The following ADCY6 variants were observed in gnomAD, a reference collection of about 807,000 sequenced individuals.
ADCY6 encodes adenylate cyclase type 6.
In ADCY6, 59 loss-of-function variants were observed where a neutral mutation model predicts 111.6. That is an observed-to-expected ratio of 0.53 (90% CI 0.43 to 0.66). ADCY6 has a LOEUF of 0.66. Ranked by LOEUF, ADCY6 falls within the 30% of genes least tolerant of loss-of-function variation. The pLI is 0.00. For synonymous variants in ADCY6, 576 were observed against 642.9 expected (o/e 0.90, Z 1.57); for missense variants, 1,242 against 1,595.6 (o/e 0.78, Z 3.78).
At position 48,782,667 on chromosome 12, in the gene ADCY6, G is replaced by A. The variant is rs1234566851; in HGVS notation, c.768C>T (p.Arg256=). Residue 256 remains arginine, a synonymous_variant, in exon 2 of 22, where the codon CGC becomes CGT. Transcript: ENST00000357869. This position sits in a 1 kb window ranked among gnomAD's most constrained non-coding sequence, Gnocchi z 4.3. ...GGCCGCTGAGGACGGCAGCCCGCAT[G>A]CGGATGGGGAGGAGCGTGTAGGCGA... ...VYIAYTLLPI[R]MRAAVLSGLG... 4.4e-6 allele frequency: 7 copies of A among 1,599,358 alleles called. No individual in the cohort carries two copies. The East Asian group carries it at 9.0e-5, about 21-fold the overall frequency.
Position 48,783,105 on chromosome 12 carries a change from C to A in ADCY6, c.330G>T (p.Ala110=), listed in dbSNP as rs767173305. Residue 110 remains alanine, a synonymous_variant, in exon 2 of 22, where the codon GCG becomes GCT. Coordinates refer to ENST00000357869, the MANE Select transcript of ADCY6 (RefSeq NM_015270.5). ...AGCAGGATCGCCCACTCCTGGGCAC[C>A]GCGTCGGGCGCCACCTCAGCCGTCC... The part of the protein sequence containing the change: ...AGGTAEVAPD[A]VPRSGRSCWR... 5 of 1,610,350 alleles carry A rather than the reference C, an allele frequency of 3.1e-6. No individual in the cohort carries two copies. The highest frequency in any genetic ancestry group is 4.2e-6 in the Non-Finnish European group (5 of 1,179,168).
At chr12:48,784,366 A>G (rs1446701589) in intron 1 of ADCY6, among the ~76,000 whole-genome samples, 1 of 151,966 alleles carries the variant, frequency 6.6e-6, no homozygotes, top group Non-Finnish European at 1.5e-5. Flanking sequence ...AAAAGAAGAA[A>G]GAGTTGCCCA....
At position 48,771,511 on chromosome 12, in the gene ADCY6, C is replaced by T. The variant is rs753911940; in HGVS notation, c.3051+199G>A. On this transcript the variant is annotated intron_variant, in intron 19 of 21. Transcript: ENST00000357869. This position sits in a 1 kb window ranked among gnomAD's most constrained non-coding sequence, Gnocchi z 4.3. ...TGCTCCCCAACAGTGATGACCCTGC[C>T]CCACTAGGGCTGACCCCCTTGCTGC... 1 of 796,822 alleles carries T rather than the reference C, an allele frequency of 1.3e-6. No homozygotes were observed. Among genetic ancestry groups the T allele is most frequent in the Non-Finnish European group, 2.1e-6 (1 of 476,990 alleles). The allele number at this position is 796,822 out of a possible 1,614,324, so 49.4% of individuals were successfully genotyped here.
In ADCY6 at chr12:48,774,727, G is replaced by A. The variant is rs771358249; in HGVS notation, c.2130C>T (p.Ile710=). The stretch of plus-strand genomic sequence containing the variant: ...AGTACACAGCACAGATCAGCACGGT[G>A]ATTAGCAGCAGCAGGAAGATGCTGG... ...IYASIFLLLL[I]TVLICAVYSC... Residue 710 remains isoleucine, a synonymous_variant, in exon 13 of 22, where the codon ATC becomes ATT. Transcript: ENST00000357869. 1.9e-6 allele frequency: 3 copies of A among 1,614,022 alleles called. No individual in the cohort carries two copies.
At chr12:48,773,752 C>A in intron 15 of ADCY6, 105 bp from the exon 16 acceptor site, 1 of 1,474,924 alleles carries the variant, frequency 6.8e-7, no homozygotes, top group Non-Finnish European at 9.3e-7. Context: ...CCCACCACAC[C>A]CCTCAAACCC....
At chr12:48,774,583 T>C in intron 13 of ADCY6, 65 bp from the exon 14 acceptor site, 1 of 1,575,410 alleles carries the variant, frequency 6.3e-7, no homozygotes, top group Non-Finnish European at 8.7e-7. Context: ...CAACCAGGGA[T>C]GGGGCCCAGT....
chr12:48,774,173 C>T, intron 14 of ADCY6, 75 bp from the exon 15 acceptor site: 1 of 1,418,820 alleles, frequency 7.0e-7, no homozygotes, highest in Non-Finnish European at 9.7e-7. Context: ...AGCCATGTAC[C>T]CTAACCTGGG....
upstream of ADCY6, chr12:48,789,304 C>G (rs574659502): frequency 1.3e-5 from 2 of 152,368 alleles, no homozygotes; most frequent in African/African-American, 4.8e-5. Flanking sequence ...CTTCCTCCCC[C>G]AGTCCTGGGA....
chr12:48,772,636 G>T, intron 16 of ADCY6, 93 bp from the exon 17 acceptor site: 1 of 1,440,074 alleles, frequency 6.9e-7, no homozygotes, highest in Non-Finnish European at 9.7e-7. Context: ...CATTTACTGA[G>T]CACATACTGT....
chr12:48,775,970 CG>C lies in ADCY6; in HGVS notation c.1798del (p.Arg600AlafsTer19), dbSNP rs759265468. ...FSRTKDSKAF[R>X]QMGIDDSSKD... ...GTGCTGAGGGCCCCTCACCATCTGG[CG>C]GAAGGCCTTGGAGTCCTTGGTCCGG... On this transcript the variant is annotated frameshift_variant, in exon 9 of 22. Transcript: ENST00000357869. LOFTEE classifies it high-confidence loss of function. 6.2e-7 allele frequency: 1 copy of C among 1,602,704 alleles called. No individual in the cohort carries two copies. The highest frequency in any genetic ancestry group is 8.5e-7 in the Non-Finnish European group (1 of 1,174,718).
chr12:48,769,087 C>T (rs750078048), intron 20 of ADCY6, 26 bp from the exon 21 acceptor site: 55 of 1,591,548 alleles, frequency 3.5e-5, no homozygotes, highest in Non-Finnish European at 4.5e-5. Flanking sequence ...CAGCAAGAGA[C>T]TAGTGGATGC....
intron 1 of ADCY6, among the ~76,000 whole-genome samples, chr12:48,787,488 G>A (rs1942001030): frequency 6.6e-6 from 1 of 152,164 alleles, no homozygotes; most frequent in African/African-American, 2.4e-5. Context: ...CTCCACTCCA[G>A]GCACTGCCCA....
At position 48,776,990 on chromosome 12, in the gene ADCY6, C is replaced by T. The variant is rs940571303; in HGVS notation, c.1376+114G>A. 2 of 1,426,780 alleles carry T rather than the reference C, an allele frequency of 1.4e-6. No homozygotes were observed. Among genetic ancestry groups the T allele is most frequent in the East Asian group, 4.6e-5 (2 of 43,304 alleles). 88.4% of individuals were successfully genotyped at this position (1,426,780 alleles called of 1,614,324 possible). A position where few individuals can be genotyped will look rare whatever the true frequency, so the allele number is the denominator to read the frequency against. On this transcript the variant is annotated intron_variant, in intron 6 of 21. Coordinates refer to ENST00000357869, the MANE Select transcript of ADCY6 (RefSeq NM_015270.5). This position sits in a 1 kb window ranked among gnomAD's most constrained non-coding sequence, Gnocchi z 6.1. ...ATTCCCCTTCCCAGTGACAGACAGA[C>T]CTCAAAGACAGAGAAAGCCAAAACT...
rs1941436452 is a variant in ADCY6 at position 48,768,572 on chromosome 12, A to C, written c.*19T>G. On this transcript the variant is annotated 3_prime_UTR_variant, in exon 22 of 22. Coordinates refer to ENST00000357869, the MANE Select transcript of ADCY6 (RefSeq NM_015270.5). ...ATGCCCACCTTGGTCCCTTCAGCTG[A>C]ATTTGTGGCTGGGCCCTGTTAACTG... The C allele has an allele frequency of 2.5e-6, 4 of 1,613,780 alleles. No homozygotes were observed. The highest frequency in any genetic ancestry group is 1.3e-5 in the African/African-American group (1 of 74,854).
At chr12:48,775,885 GAA>G in intron 9 of ADCY6, 76 bp downstream of exon 9, 1 of 1,543,508 alleles carries the variant, frequency 6.5e-7, no homozygotes, top group South Asian at 1.2e-5. Context: ...GCAGTCACAA[GAA>G]AGGACAGGGT....
intron 14 of ADCY6, 117 bp downstream of exon 14, chr12:48,774,285 T>C: frequency 8.6e-7 from 1 of 1,160,888 alleles, no homozygotes. Context: ...CCTTCCCCTA[T>C]TCTGGGAGGG....
intron 18 of ADCY6, 118 bp from the exon 19 acceptor site, chr12:48,772,091 T>C: frequency 1.4e-6 from 2 of 1,439,306 alleles, no homozygotes; most frequent in Non-Finnish European, 1.8e-6. Flanking sequence ...CCCAGACAGA[T>C]GAGGCCTAAA....
At position 48,788,995 on chromosome 12, in the gene ADCY6, G is replaced by A. The variant is rs907300363; in HGVS notation, c.-94C>T. 7 of 112,508 alleles carry A rather than the reference G, an allele frequency of 6.2e-5. No homozygotes were observed. The highest frequency in any genetic ancestry group is 2.4e-4 in the African/African-American group (7 of 29,548). 7.0% of individuals were successfully genotyped at this position (112,508 alleles called of 1,614,324 possible). ...CCGGCCGGCCGTCCCGCGGTCCTCC[G>A]AGCCCGCGCGTCCTGGCCGTCCCGC... On this transcript the variant is annotated 5_prime_UTR_variant, in exon 1 of 22. Transcript: ENST00000357869.
chr12:48,774,888 G>C (rs1396878898), intron 12 of ADCY6, 69 bp downstream of exon 12: 1 of 1,523,634 alleles, frequency 6.6e-7, no homozygotes, highest in African/African-American at 1.4e-5. Flanking sequence ...GTGGGCTTGT[G>C]TGGGTATTTA....
Sources: allele counts gnomAD v4.1 joint callset (sites outside exome capture counted in the v4.1 genomes callset), GRCh38; gene constraint gnomAD v4.1.1; non-coding constraint Gnocchi (gnomAD v3.1); transcripts MANE v1.5; gene names NCBI Gene and HGNC (gene_info 2026-07-23, HGNC 2026-07-21).